PMM2: variants seen among roughly 807,000 people sequenced by gnomAD.
PMM2 encodes the protein phosphomannomutase 2, also known as mannose-6-phosphate isomerase.
In PMM2, 35 loss-of-function variants were observed where a neutral mutation model predicts 33.2. That is an observed-to-expected ratio of 1.06 (90% CI 0.81 to 1.40). The LOEUF (loss-of-function observed/expected upper bound fraction) is 1.40, where lower values mean the gene tolerates loss of function less well. Among genes scored for constraint, PMM2 ranks in the 40% most tolerant of loss-of-function variants. The pLI is 0.00. For synonymous variants in PMM2, 153 were observed against 114.7 expected (o/e 1.33, Z -2.13); for missense variants, 386 against 306.0 (o/e 1.26, Z -1.95).
intron 3 of PMM2, 142 bp downstream of exon 3, chr16:8,804,985 A>G (rs1474763608): frequency 1.5e-6 from 1 of 657,656 alleles, no homozygotes; most frequent in Non-Finnish European, 2.7e-6. Context: ...ATTTTGAACC[A>G]TGTGACTATT....
At chr16:8,840,900 C>G (rs1314506137) in intron 7 of PMM2, among the ~76,000 whole-genome samples, 1 of 151,956 alleles carries the variant, frequency 6.6e-6, no homozygotes, top group Non-Finnish European at 1.5e-5. Flanking sequence ...GCTTAGCAGC[C>G]TGGCGAATTT....
At chr16:8,803,770 G>A (rs1357065492) in intron 2 of PMM2, among the ~76,000 whole-genome samples, 1 of 151,794 alleles carries the variant, frequency 6.6e-6, no homozygotes, top group Non-Finnish European at 1.5e-5. Context: ...TGTAACCTCT[G>A]CGTCCTGGGT....
chr16:8,848,101 C>A lies in PMM2; in HGVS notation c.*276C>A, dbSNP rs573179742. ...CCCTAGTCTAATACCCACCCTGATA[C>A]GTGCAATCATGTAGTTTTGGCGGAA... On this transcript the variant is annotated 3_prime_UTR_variant, in exon 8 of 8. Coordinates refer to ENST00000268261, the MANE Select transcript of PMM2 (RefSeq NM_000303.3). The A allele has an allele frequency of 2.3e-5, 10 of 435,588 alleles. No homozygotes were observed. The highest frequency in any genetic ancestry group is 3.4e-5 in the Non-Finnish European group (8 of 237,198). The allele number at this position is 435,588 out of a possible 1,614,324, so 27.0% of individuals were successfully genotyped here. A position where few individuals can be genotyped will look rare whatever the true frequency, so the allele number is the denominator to read the frequency against.
At chr16:8,837,236 C>T (rs1712751659) in intron 7 of PMM2, among the ~76,000 whole-genome samples, 1 of 151,918 alleles carries the variant, frequency 6.6e-6, no homozygotes, top group African/African-American at 2.4e-5. Flanking sequence ...ACATCAGGCA[C>T]CTCAGACCGT....
intron 7 of PMM2, among the ~76,000 whole-genome samples, chr16:8,830,417 T>C (rs2060802994): frequency 1.3e-5 from 2 of 152,164 alleles, no homozygotes; most frequent in South Asian, 4.1e-4. Context: ...CTCAAATCAG[T>C]CTCCAAGAAT....
intron 1 of PMM2, among the ~76,000 whole-genome samples, chr16:8,800,162 C>T (rs2060604839): frequency 6.6e-6 from 1 of 151,932 alleles, no homozygotes; most frequent in Non-Finnish European, 1.5e-5. Flanking sequence ...AGTTCGAGAC[C>T]AGCCTTGCCA....
In PMM2 at chr16:8,847,797, G is replaced by C. The variant is rs151319324; in HGVS notation, c.713G>C (p.Arg238Pro). The part of the protein sequence containing the change: ...GYSVTAPEDT[R>P]RICELLFS Reference sequence around the variant, plus strand: ...TCCGTGACAGCGCCTGAGGACACGCGCAGGATCTGTGAACTGCTGTTCTCC... The same window carrying C: ...TCCGTGACAGCGCCTGAGGACACGCCCAGGATCTGTGAACTGCTGTTCTCC... Residue 238 changes from arginine (R) to proline (P), a missense_variant, in exon 8 of 8, where the codon CGC becomes CCC. Coordinates refer to ENST00000268261, the MANE Select transcript of PMM2 (RefSeq NM_000303.3). 3.7e-6 allele frequency: 6 copies of C among 1,613,530 alleles called. No individual in the cohort carries two copies. In the East Asian group the frequency reaches 1.1e-4, roughly 30 times the overall value.
Position 8,800,222 on chromosome 16 carries a change from A to G in PMM2, c.67-1577A>G, listed in dbSNP as rs543731550. On this transcript the variant is annotated intron_variant, in intron 1 of 7. Coordinates refer to ENST00000268261, the MANE Select transcript of PMM2 (RefSeq NM_000303.3). ...AAAAATACAAAAAGATTAGCCGAGC[A>G]TGATGGCGGGCGCCTGTAATCCTGG... Among the ~76,000 whole-genome samples, 144 of 152,108 alleles carry G rather than the reference A, an allele frequency of 9.5e-4. 3 individuals carry two copies. In the South Asian group the frequency reaches 0.027, roughly 29 times the overall value.
intron 1 of PMM2, among the ~76,000 whole-genome samples, chr16:8,800,459 A>G (rs2060606720): frequency 6.6e-6 from 1 of 151,896 alleles, no homozygotes; most frequent in African/African-American, 2.4e-5. Context: ...GATGTGTCTT[A>G]ATGTAGGGCT....
chr16:8,835,078 T>G (rs188871467), intron 7 of PMM2, among the ~76,000 whole-genome samples: 39,320 of 128,478 alleles, frequency 0.31, 3,464 homozygotes, highest in Middle Eastern at 0.35. Context: ...TTGTGATTTT[T>G]ACGGCCTCTA....
intron 4 of PMM2, 197 bp from the exon 5 acceptor site, chr16:8,810,882 C>G (rs1420703935): frequency 1.5e-5 from 9 of 608,540 alleles, no homozygotes; most frequent in Non-Finnish European, 2.6e-5. Context: ...AATCTAATCT[C>G]AATTCATATT....
intron 7 of PMM2, among the ~76,000 whole-genome samples, chr16:8,820,952 C>T (rs1234949570): frequency 3.3e-5 from 5 of 152,268 alleles, no homozygotes; most frequent in Middle Eastern, 3.4e-3. Flanking sequence ...ACCATGTCCT[C>T]CTGTCCTCAG....
At chr16:8,800,537 A>G (rs2141015986) in intron 1 of PMM2, among the ~76,000 whole-genome samples, 1 of 152,320 alleles carries the variant, frequency 6.6e-6, no homozygotes, top group East Asian at 1.9e-4. Context: ...ATAAGATTAT[A>G]CCACTAAGAC....
At chr16:8,799,306 C>T (rs1183959753) in intron 1 of PMM2, among the ~76,000 whole-genome samples, 1 of 152,202 alleles carries the variant, frequency 6.6e-6, no homozygotes, top group Non-Finnish European at 1.5e-5. Flanking sequence ...CCCTCTCAAC[C>T]TTCCTCCATC....
chr16:8,820,324 C>T (rs970917975), intron 7 of PMM2, among the ~76,000 whole-genome samples: 14 of 150,714 alleles, frequency 9.3e-5, no homozygotes, highest in Admixed American at 4.0e-4. Context: ...ACAGTGACCT[C>T]GTCAGCCCAG....
At position 8,801,829 on chromosome 16, in the gene PMM2, C is replaced by T. The variant is rs149530060; in HGVS notation, c.97C>T (p.Gln33Ter). The change falls in exon 2 of 8, where the codon CAA (glutamine) becomes TAA (stop). Residue 33 changes from glutamine (Q) to a stop codon, truncating the protein, a stop_gained. Coordinates refer to ENST00000268261, the MANE Select transcript of PMM2 (RefSeq NM_000303.3). LOFTEE classifies it high-confidence loss of function. ...TACCAAAGAAATGGATGACTTCCTA[C>T]AAAAATTGAGGCAGAAGATCAAAAT... ...KITKEMDDFL[Q>*]KLRQKIKIGV... 11 of 1,611,042 alleles carry T rather than the reference C, an allele frequency of 6.8e-6. No individual in the cohort carries two copies. Among genetic ancestry groups the T allele is most frequent in the Admixed American group, 1.7e-5 (1 of 59,956 alleles).
At chr16:8,822,595 C>T (rs2060744313) in intron 7 of PMM2, among the ~76,000 whole-genome samples, 1 of 152,182 alleles carries the variant, frequency 6.6e-6, no homozygotes, top group Admixed American at 6.5e-5. Flanking sequence ...ATAATTTTCT[C>T]AGTTAAAATT....
At chr16:8,811,852 A>T (rs7194925) in intron 6 of PMM2, 139 bp downstream of exon 6, 1 of 702,912 alleles carries the variant, frequency 1.4e-6, no homozygotes, top group Non-Finnish European at 2.6e-6. Context: ...GTCTATAGAC[A>T]AAAACCAACC....
chr16:8,832,966 C>A, intron 7 of PMM2: 1 of 841,578 alleles, frequency 1.2e-6, no homozygotes, highest in Non-Finnish European at 1.3e-6. Flanking sequence ...GACTGGTCTC[C>A]CCAGGGCAGC....
Sources: gnomAD v4.1 joint callset for allele counts (sites outside exome capture counted in the v4.1 genomes callset) on GRCh38, gnomAD v4.1.1 for gene constraint, MANE v1.5 for transcripts, NCBI Gene and HGNC (gene_info 2026-07-23, HGNC 2026-07-21) for gene names.